The following TM2D3 variants were observed in gnomAD, a reference collection of about 807,000 sequenced individuals.
TM2D3 encodes the protein TM2 domain containing 3, also known as TM2 domain-containing protein 3.
TM2D3 carries 33 observed loss-of-function variants against 27.3 expected under a neutral mutation model. That is an observed-to-expected ratio of 1.21 (90% CI 0.92 to 1.61). The LOEUF (loss-of-function observed/expected upper bound fraction) is 1.61. TM2D3 is among the 40% of genes most tolerant of loss of function. The pLI, the probability that TM2D3 is intolerant of heterozygous loss-of-function variation, is 0.00. For synonymous variants in TM2D3, 138 were observed against 122.2 expected (o/e 1.13, Z -0.85); for missense variants, 364 against 320.8 (o/e 1.13, Z -1.03).
chr15:101,633,303 C>T (rs1157984486), exon 5 of TM2D3: 1 of 199,388 alleles, frequency 5.0e-6, no homozygotes, highest in African/African-American at 2.3e-5. Context: ...AACTTGGAAG[C>T]TTAAAACAAC....
rs1158728522 is a variant in TM2D3, at chr15:101,643,599, T to TAAA, written c.579-958_579-956dup. ...CCTGGGTGACAGAGAGAGACTCCGT[T>TAAA]AAAAAAAAAAAAAAAAAAAAAAAGC... On this transcript the variant is annotated intron_variant, in intron 5 of 5. Coordinates refer to ENST00000333202, the MANE Select transcript of TM2D3 (RefSeq NM_078474.3). Among the ~76,000 whole-genome samples, 7 of 47,314 alleles carry TAAA rather than the reference T, an allele frequency of 1.5e-4. No individual in the cohort carries two copies. In the East Asian group the frequency reaches 1.5e-3, roughly 10 times the overall value. 31.0% of individuals were successfully genotyped at this position (47,314 alleles called of 152,430 possible).
chr15:101,643,532 G>A (rs982654029), intron 5 of TM2D3, among the ~76,000 whole-genome samples: 2 of 150,458 alleles, frequency 1.3e-5, no homozygotes, highest in Non-Finnish European at 3.0e-5. Flanking sequence ...AACCTGGGAG[G>A]TGGAGCTTGC....
At chr15:101,651,510 G>A (rs1049207540) in intron 2 of TM2D3, 186 bp downstream of exon 2, 13 of 540,004 alleles carry the variant, frequency 2.4e-5, no homozygotes, top group South Asian at 1.1e-4. Flanking sequence ...AACGTCAAAA[G>A]GTATAAATAC....
At chr15:101,639,814 C>T (rs79255932), downstream of TM2D3, among the ~76,000 whole-genome samples, 462 of 152,278 alleles carry the variant, frequency 3.0e-3, 4 homozygotes, top group African/African-American at 0.01. Flanking sequence ...TGGAATTGTA[C>T]ACAGTCCCTT....
rs1269388155 is a variant in TM2D3 at position 101,652,286 on chromosome 15, T to C, written c.76A>G (p.Ile26Val). 7 of 1,605,112 alleles carry C rather than the reference T, an allele frequency of 4.4e-6. No individual in the cohort carries two copies. The highest frequency in any genetic ancestry group is 1.4e-5 in the African/African-American group (1 of 73,228). ...TTTGACTCACCACCGCCCGACAGAA[T>C]GCAGAACTGCGAGAGGAAGAGCAGC... is the stretch of plus-strand genomic sequence containing the variant. ...RVLLFLSQFC[I>V]LSGGEQSQAL... The change falls in exon 1 of 6, where the codon ATT becomes GTT. Residue 26 changes from isoleucine (I) to valine (V), a missense_variant. Coordinates refer to ENST00000333202, the MANE Select transcript of TM2D3 (RefSeq NM_078474.3).
At chr15:101,649,774 A>G (rs1483576980) in intron 3 of TM2D3, among the ~76,000 whole-genome samples, 1 of 152,262 alleles carries the variant, frequency 6.6e-6, no homozygotes, top group Non-Finnish European at 1.5e-5. Context: ...GTGCATTTCC[A>G]GCAGACATCA....
In TM2D3 at chr15:101,642,313, C is replaced by T. The variant is rs558454412; in HGVS notation, c.*166G>A. The T allele has an allele frequency of 4.7e-6, 6 of 1,289,612 alleles. No homozygotes were observed. In the South Asian group the frequency reaches 1.7e-4, roughly 37 times the overall value. The allele number at this position is 1,289,612 out of a possible 1,614,324, so 79.9% of individuals were successfully genotyped here. A position where few individuals can be genotyped will look rare whatever the true frequency, so the allele number is the denominator to read the frequency against. ...ATTTCAGGCAAATAAAAACAAATTC[C>T]AGATTAGCATAGTTCAGCGTTTCAT... On this transcript the variant is annotated 3_prime_UTR_variant, in exon 6 of 6. Coordinates refer to ENST00000333202, the MANE Select transcript of TM2D3 (RefSeq NM_078474.3).
chr15:101,634,390 C>T (rs539714424), intron 4 of TM2D3: 7 of 152,294 alleles, frequency 4.6e-5, no homozygotes, highest in East Asian at 1.9e-4. Flanking sequence ...GCCGAGATCG[C>T]AGCACTGCAC....
At chr15:101,638,283 G>A (rs537020966), downstream of TM2D3, among the ~76,000 whole-genome samples, 29 of 151,120 alleles carry the variant, frequency 1.9e-4, no homozygotes, top group Admixed American at 1.9e-3. Context: ...TTCCTCACCA[G>A]TGAGACCCCC....
chr15:101,646,954 T>A, intron 3 of TM2D3, 55 bp from the exon 4 acceptor site: 2 of 1,596,088 alleles, frequency 1.3e-6, no homozygotes. Context: ...TCTGTTAAGA[T>A]GTCAGTAAGA....
chr15:101,640,701 C>T (rs1216714984), downstream of TM2D3, among the ~76,000 whole-genome samples: 4 of 152,332 alleles, frequency 2.6e-5, no homozygotes, highest in East Asian at 1.9e-4. Flanking sequence ...AAAATCTCTT[C>T]GTATTTCCTG....
intron 3 of TM2D3, chr15:101,648,174 G>A (rs935107212): frequency 6.6e-6 from 1 of 152,170 alleles, no homozygotes; most frequent in African/African-American, 2.4e-5. Context: ...TGGGATTACA[G>A]GTGTAGGCCA....
chr15:101,643,624 C>G (rs199694245), intron 5 of TM2D3, among the ~76,000 whole-genome samples: 4 of 96,328 alleles, frequency 4.2e-5, no homozygotes, highest in Admixed American at 1.4e-4. Context: ...AAAAAAAAAG[C>G]AAAAAAAAAA....
chr15:101,639,069 A>G (rs1410905866), downstream of TM2D3, among the ~76,000 whole-genome samples: 1 of 152,188 alleles, frequency 6.6e-6, no homozygotes, highest in Non-Finnish European at 1.5e-5. Flanking sequence ...ATTTTGCATA[A>G]AAGTGTTGTG....
Position 101,652,323 on chromosome 15 carries a change from G to C in TM2D3, c.39C>G (p.Ala13=), listed in dbSNP as rs757635357. The change falls in exon 1 of 6, where the codon GCC becomes GCG. Residue 13 remains alanine, a synonymous_variant. Coordinates refer to ENST00000333202, the MANE Select transcript of TM2D3 (RefSeq NM_078474.3). ...AGAGGAAGAGCAGCACGCGACACAA[G>C]GCGCGGAGGCCCCTCAGCGGGAGCA... ...GGVLPLRGLR[A]LCRVLLFLSQ... 3 of 1,602,266 alleles carry C rather than the reference G, an allele frequency of 1.9e-6. No individual in the cohort carries two copies. The highest frequency in any genetic ancestry group is 4.6e-5 in the East Asian group (2 of 43,640).
At chr15:101,636,039 T>G (rs1896544120) in intron 4 of TM2D3, 1 of 152,160 alleles carries the variant, frequency 6.6e-6, no homozygotes, top group Admixed American at 6.5e-5. Context: ...TGTAACTGGC[T>G]TTCTTCCCTT....
At chr15:101,643,363 G>T (rs922477729) in intron 5 of TM2D3, among the ~76,000 whole-genome samples, 8 of 152,104 alleles carry the variant, frequency 5.3e-5, no homozygotes, top group Admixed American at 1.3e-4. Flanking sequence ...AGCACTCTGG[G>T]AGGCTGAGGC....
chr15:101,644,077 C>A (rs1896742909), intron 5 of TM2D3, among the ~76,000 whole-genome samples: 1 of 152,114 alleles, frequency 6.6e-6, no homozygotes, highest in African/African-American at 2.4e-5. Flanking sequence ...AACTCCTGAC[C>A]TCAAGCAATC....
intron 1 of TM2D3, 135 bp downstream of exon 1, chr15:101,652,136 C>T: frequency 4.7e-6 from 4 of 855,518 alleles, no homozygotes; most frequent in Non-Finnish European, 7.3e-6. Context: ...CCAGATGCAG[C>T]GACAAGCGGC....
Sources: allele counts gnomAD v4.1 joint callset (sites outside exome capture counted in the v4.1 genomes callset), GRCh38; gene constraint gnomAD v4.1.1; transcripts MANE v1.5; gene names NCBI Gene and HGNC (gene_info 2026-07-23, HGNC 2026-07-21).